The following MRPS28 variants were observed in gnomAD, a reference collection of about 807,000 sequenced individuals.
MRPS28 encodes mitochondrial ribosomal protein S28.
In MRPS28, 7 loss-of-function variants were observed where a neutral mutation model predicts 10.8. That is an observed-to-expected ratio of 0.65 (90% confidence interval 0.37 to 1.22). MRPS28 has a LOEUF of 1.22. Ranked by LOEUF, MRPS28 falls within the 50% of genes most tolerant of loss-of-function variation. The pLI is 0.02. For synonymous variants in MRPS28, 121 were observed against 93.3 expected (o/e 1.30, Z -1.71); for missense variants, 265 against 232.9 (o/e 1.14, Z -0.90).
chr8:79,971,701 CT>C (rs959390048), intron 2 of MRPS28, among the ~76,000 whole-genome samples: 4 of 152,110 alleles, frequency 2.6e-5, no homozygotes, highest in Non-Finnish European at 4.4e-5. Context: ...ACTTCATTAC[CT>C]TTTTTTCTTT....
intron 1 of MRPS28, among the ~76,000 whole-genome samples, chr8:80,014,783 T>A (rs551113924): frequency 6.6e-6 from 1 of 152,266 alleles, no homozygotes; most frequent in Admixed American, 6.5e-5. Flanking sequence ...TATTGACTAA[T>A]CTAGTATTTG....
intron 2 of MRPS28, among the ~76,000 whole-genome samples, chr8:79,945,196 A>G (rs1300529549): frequency 1.3e-5 from 2 of 152,320 alleles, no homozygotes; most frequent in South Asian, 4.1e-4. Flanking sequence ...AAGCCTTTGG[A>G]TATCTGTTAT....
intron 2 of MRPS28, among the ~76,000 whole-genome samples, chr8:79,961,938 C>A (rs1421634934): frequency 6.6e-6 from 1 of 152,014 alleles, no homozygotes; most frequent in Non-Finnish European, 1.5e-5. Context: ...TATTTTTATT[C>A]CACATACTGT....
chr8:79,954,759 G>T (rs546532764), intron 2 of MRPS28, among the ~76,000 whole-genome samples: 1 of 152,232 alleles, frequency 6.6e-6, no homozygotes, highest in South Asian at 2.1e-4. Context: ...TTAAACCAAA[G>T]CCACACCTAC....
At chr8:79,967,874 T>C (rs1807540594) in intron 2 of MRPS28, among the ~76,000 whole-genome samples, 1 of 152,136 alleles carries the variant, frequency 6.6e-6, no homozygotes, top group African/African-American at 2.4e-5. Context: ...TATTAGTATA[T>C]GTATATATAC....
intron 2 of MRPS28, among the ~76,000 whole-genome samples, chr8:79,962,125 T>C (rs935487101): frequency 1.3e-5 from 2 of 152,032 alleles, no homozygotes; most frequent in Non-Finnish European, 2.9e-5. Flanking sequence ...TTTTCAAAAC[T>C]GCGCTTGTAG....
intron 2 of MRPS28, among the ~76,000 whole-genome samples, chr8:79,983,749 A>G (rs1232284014): frequency 6.6e-6 from 1 of 152,216 alleles, no homozygotes; most frequent in East Asian, 1.9e-4. Context: ...AAACGAACAA[A>G]GCCTCCAAGA....
rs1340777950 is a variant in MRPS28 at position 79,940,576 on chromosome 8, C to CT, written c.396-21429dup. On this transcript the variant is annotated intron_variant, in intron 2 of 2. Transcript: ENST00000276585. ...AAAGAAACTATACAGCAGAATCTTT[C>CT]TTTTTTCACCATCTGCAAAGGTGGC... Among the ~76,000 whole-genome samples, 5 of 152,288 alleles carry CT rather than the reference C, an allele frequency of 3.3e-5. No homozygotes were observed. In the East Asian group the frequency reaches 7.7e-4, roughly 23 times the overall value.
intron 2 of MRPS28, among the ~76,000 whole-genome samples, chr8:79,973,117 G>A (rs1473668218): frequency 2.6e-5 from 4 of 152,250 alleles, no homozygotes; most frequent in South Asian, 2.1e-4. Context: ...AAGAGTTATC[G>A]TCCAAATGGG....
chr8:79,968,716 T>TAA (rs749304458), intron 2 of MRPS28, among the ~76,000 whole-genome samples: 11 of 135,322 alleles, frequency 8.1e-5, no homozygotes, highest in African/African-American at 2.7e-4. Context: ...AGACTCTGTC[T>TAA]AAAAAAAAAA....
At chr8:79,953,977 C>CAA (rs1463567054) in intron 2 of MRPS28, among the ~76,000 whole-genome samples, 1 of 152,090 alleles carries the variant, frequency 6.6e-6, no homozygotes, top group African/African-American at 2.4e-5. Flanking sequence ...ATTAAAACTG[C>CAA]AATAAAATAA....
intron 2 of MRPS28, among the ~76,000 whole-genome samples, chr8:79,955,282 T>A (rs1807177119): frequency 6.6e-6 from 1 of 152,164 alleles, no homozygotes; most frequent in Non-Finnish European, 1.5e-5. Context: ...ACCTAGCAAG[T>A]CCAGACTGAT....
intron 1 of MRPS28, among the ~76,000 whole-genome samples, chr8:80,006,930 T>C (rs1380136771): frequency 2.0e-5 from 3 of 152,168 alleles, no homozygotes; most frequent in African/African-American, 7.2e-5. Context: ...ATGAGGCCAG[T>C]ATCATCCTGA....
intron 2 of MRPS28, among the ~76,000 whole-genome samples, chr8:79,996,010 T>G (rs78255449): frequency 2.0e-5 from 3 of 152,150 alleles, no homozygotes; most frequent in Non-Finnish European, 4.4e-5. Context: ...ATTTTTATTA[T>G]GATACAATAT....
At chr8:79,962,463 C>T (rs992306160) in intron 2 of MRPS28, among the ~76,000 whole-genome samples, 8 of 152,192 alleles carry the variant, frequency 5.3e-5, no homozygotes, top group South Asian at 2.1e-4. Context: ...AGAAAGATAA[C>T]GCCTCCAAAC....
At chr8:79,935,137 G>GA (rs1806572326) in intron 2 of MRPS28, among the ~76,000 whole-genome samples, 1 of 152,134 alleles carries the variant, frequency 6.6e-6, no homozygotes, top group East Asian at 1.9e-4. Flanking sequence ...TGTCTCTATT[G>GA]AAAATCACAG....
intron 2 of MRPS28, among the ~76,000 whole-genome samples, chr8:79,977,926 A>G (rs906533234): frequency 6.6e-6 from 1 of 152,080 alleles, no homozygotes; most frequent in Admixed American, 6.5e-5. Context: ...TGATATATAA[A>G]TACTTCTTTT....
chr8:80,009,431 A>T (rs1445436039), intron 1 of MRPS28, among the ~76,000 whole-genome samples: 2 of 151,814 alleles, frequency 1.3e-5, no homozygotes, highest in East Asian at 3.9e-4. Flanking sequence ...ATAATAAAAA[A>T]TAAATAAATA....
At chr8:79,960,627 T>C (rs1807351035) in intron 2 of MRPS28, among the ~76,000 whole-genome samples, 1 of 152,062 alleles carries the variant, frequency 6.6e-6, no homozygotes, top group African/African-American at 2.4e-5. Context: ...TTCCAAAATA[T>C]ATGTGTGGCT....
Sources: allele counts gnomAD v4.1 joint callset (sites outside exome capture counted in the v4.1 genomes callset), GRCh38; gene constraint gnomAD v4.1.1; transcripts MANE v1.5; gene names NCBI Gene and HGNC (gene_info 2026-07-23, HGNC 2026-07-21).